KLHL2: variants seen among roughly 807,000 people sequenced by gnomAD.
KLHL2 encodes kelch like family member 2.
In KLHL2, 15 loss-of-function variants were observed where a neutral mutation model predicts 75.8. The ratio of observed to expected loss-of-function variants is 0.20; its 90% confidence interval spans 0.13 to 0.30. The LOEUF (loss-of-function observed/expected upper bound fraction) is 0.30, where lower values mean the gene tolerates loss of function less well. KLHL2 is among the 10% of genes least tolerant of loss of function. The pLI is 1.00. For missense variants in KLHL2, 381 were observed against 741.0 expected (o/e 0.51, Z 5.64); for synonymous variants, 214 against 251.9 (o/e 0.85, Z 1.42).
chr4:165,215,449 G>A (rs1737476447), intron 1 of KLHL2, among the ~76,000 whole-genome samples: 1 of 152,174 alleles, frequency 6.6e-6, no homozygotes, highest in African/African-American at 2.4e-5. Context: ...AGAAATAGAA[G>A]AAATATTATA....
chr4:165,288,336 G>A (rs568839744), intron 5 of KLHL2, among the ~76,000 whole-genome samples: 101 of 151,826 alleles, frequency 6.7e-4, no homozygotes, highest in East Asian at 1.5e-3. Flanking sequence ...ATATTTGAAC[G>A]GTATACATTG....
chr4:165,278,556 A>T (rs1342601324), intron 5 of KLHL2: 1 of 1,611,386 alleles, frequency 6.2e-7, no homozygotes, highest in South Asian at 1.1e-5. Flanking sequence ...AACCCCGAAA[A>T]TGCTGGGACG....
intron 4 of KLHL2, among the ~76,000 whole-genome samples, chr4:165,251,615 G>GTTTTTTTTTTTTGTT (rs1740706864): frequency 7.7e-6 from 1 of 129,810 alleles, no homozygotes; most frequent in Non-Finnish European, 1.6e-5. Flanking sequence ...TTTTTTTTTT[G>GTTTTTTTTTTTTGTT]TTTTTTTTTT....
At chr4:165,301,559 A>G (rs184199549) in intron 8 of KLHL2, among the ~76,000 whole-genome samples, 2 of 152,298 alleles carry the variant, frequency 1.3e-5, no homozygotes, top group South Asian at 2.1e-4. Flanking sequence ...ACCTGCTTTT[A>G]TAAGTACCCA....
chr4:165,264,713 T>TATATACAC, intron 5 of KLHL2, among the ~76,000 whole-genome samples: 1 of 74,464 alleles, frequency 1.3e-5, no homozygotes, highest in South Asian at 5.0e-4. Flanking sequence ...TGTATATATA[T>TATATACAC]ATATATACAT....
In KLHL2 at chr4:165,313,245, C is replaced by G. The variant is rs759557766; in HGVS notation, c.1347C>G (p.Leu449=). Residue 449 remains leucine, a synonymous_variant, in exon 12 of 15, where the codon CTC becomes CTG. Transcript: ENST00000226725. ...SVGVGVVGGL[L]YAVGGYDGAS... ...ATGTGATTTTATGTGTAGGTTTGCT[C>G]TATGCTGTAGGAGGTTATGATGGAG... 1.9e-6 allele frequency: 3 copies of G among 1,610,014 alleles called. No individual in the cohort carries two copies. The highest frequency in any genetic ancestry group is 2.5e-6 in the Non-Finnish European group (3 of 1,178,422).
intron 5 of KLHL2, among the ~76,000 whole-genome samples, chr4:165,283,134 A>G (rs1171954453): frequency 6.6e-6 from 1 of 152,206 alleles, no homozygotes; most frequent in African/African-American, 2.4e-5. Context: ...ACACATGGGA[A>G]TTATGGGAGC....
At chr4:165,242,590 A>G (rs1739899018) in intron 4 of KLHL2, among the ~76,000 whole-genome samples, 1 of 152,088 alleles carries the variant, frequency 6.6e-6, no homozygotes, top group Non-Finnish European at 1.5e-5. Flanking sequence ...TTCTCTTCCC[A>G]GGTTCAAGCA....
intron 11 of KLHL2, among the ~76,000 whole-genome samples, chr4:165,311,868 G>A (rs1746229359): frequency 6.7e-6 from 1 of 150,000 alleles, no homozygotes; most frequent in African/African-American, 2.5e-5. Context: ...AACTGTGTGT[G>A]TTTGACTTAT....
intron 1 of KLHL2, among the ~76,000 whole-genome samples, chr4:165,210,368 C>T (rs933332865): frequency 6.6e-6 from 1 of 152,158 alleles, no homozygotes; most frequent in African/African-American, 2.4e-5. Context: ...CATCTGTACC[C>T]ACCATTCCTG....
In KLHL2 at chr4:165,299,521, A is replaced by G. The variant is rs760558469; in HGVS notation, c.786A>G (p.Glu262=). 9 of 1,611,598 alleles carry G rather than the reference A, an allele frequency of 5.6e-6. No homozygotes were observed. Among genetic ancestry groups the G allele is most frequent in the Non-Finnish European group, 6.8e-6 (8 of 1,178,940 alleles). ...TCTTGTTACAGAGGGTTGAAGAGGA[A>G]GCATTGGTCAAGAATAGCAGTGCTT... is the stretch of plus-strand genomic sequence containing the variant. ...REYLVQRVEE[E]ALVKNSSACK... Residue 262 remains glutamate, a synonymous_variant, in exon 8 of 15, where the codon GAA becomes GAG. Transcript: ENST00000226725.
chr4:165,236,304 A>G (rs1044475541), intron 3 of KLHL2, among the ~76,000 whole-genome samples: 3 of 152,256 alleles, frequency 2.0e-5, no homozygotes, highest in Admixed American at 6.5e-5. Context: ...ACAATAAACT[A>G]TAATCTCTAT....
At chr4:165,264,014 G>C (rs946304237) in intron 5 of KLHL2, among the ~76,000 whole-genome samples, 3 of 151,960 alleles carry the variant, frequency 2.0e-5, no homozygotes, top group Non-Finnish European at 4.4e-5. Context: ...TTTTCAAGGA[G>C]CCCTTGCTTT....
intron 2 of KLHL2, among the ~76,000 whole-genome samples, chr4:165,223,038 G>A (rs568485161): frequency 4.4e-4 from 67 of 152,350 alleles, no homozygotes; most frequent in Non-Finnish European, 8.5e-4. Flanking sequence ...AAAATTGTTT[G>A]ATAGAAAAAG....
rs146036609 is a variant in KLHL2, at chr4:165,287,469, T to A, written c.545-6890T>A. Among the ~76,000 whole-genome samples, 1,446 of 152,354 alleles carry A rather than the reference T, an allele frequency of 9.5e-3. 13 individuals carry two copies. Among genetic ancestry groups the A allele is most frequent in the South Asian group, 0.022 (108 of 4,834 alleles). Reference sequence around the variant, plus strand: ...TTCTGTGAACATGGGTGTACAAATATGTCTTCAAGACCCTGCTTTCCATTC... The same window carrying A: ...TTCTGTGAACATGGGTGTACAAATAAGTCTTCAAGACCCTGCTTTCCATTC... On this transcript the variant is annotated intron_variant, in intron 5 of 14. Transcript: ENST00000226725.
intron 2 of KLHL2, among the ~76,000 whole-genome samples, chr4:165,220,280 C>G (rs1207886751): frequency 6.6e-6 from 1 of 150,982 alleles, no homozygotes. Flanking sequence ...TAGCCACATA[C>G]AGCTAGTCTG....
At chr4:165,211,055 A>G (rs1211299814) in intron 1 of KLHL2, among the ~76,000 whole-genome samples, 2 of 152,250 alleles carry the variant, frequency 1.3e-5, no homozygotes, top group East Asian at 3.8e-4. Flanking sequence ...AGAGGTGGTC[A>G]TGCATAGGCA....
chr4:165,212,931 G>A (rs925072566), intron 1 of KLHL2, among the ~76,000 whole-genome samples: 1 of 152,156 alleles, frequency 6.6e-6, no homozygotes, highest in Non-Finnish European at 1.5e-5. Context: ...CTGTGCTTTG[G>A]TGTGGAATTT....
chr4:165,320,455 C>A (rs149038481), intron 14 of KLHL2, among the ~76,000 whole-genome samples: 4 of 152,056 alleles, frequency 2.6e-5, no homozygotes, highest in Admixed American at 1.3e-4. Context: ...TGGACAGTGC[C>A]CTTGGCCACC....
Sources: allele counts gnomAD v4.1 joint callset (sites outside exome capture counted in the v4.1 genomes callset), GRCh38; gene constraint gnomAD v4.1.1; transcripts MANE v1.5; gene names NCBI Gene and HGNC (gene_info 2026-07-23, HGNC 2026-07-21).